Variants in RTL9 observed in about 807,000 individuals in gnomAD.
RTL9 encodes the protein retrotransposon Gag-like protein 9.
In RTL9, 19 loss-of-function variants were observed where a neutral mutation model predicts 44.7. The observed-to-expected ratio is 0.42, with a 90% CI of 0.30 to 0.62. The LOEUF is 0.62. Among genes scored for constraint, RTL9 ranks in the 20% least tolerant of loss-of-function variants. RTL9 has a pLI of 0.16. For synonymous variants in RTL9, 407 were observed against 398.9 expected (o/e 1.02, Z -0.24); for missense variants, 1,105 against 1,080.6 (o/e 1.02, Z -0.32).
intron 1 of RTL9, among the ~76,000 whole-genome samples, chrX:110,367,959 C>A (rs2068308679): frequency 3.0e-5 from 3 of 100,453 alleles, no homozygotes; most frequent in Non-Finnish European, 6.0e-5. Context: ...CAGGTACTCA[C>A]CACAGTGCTG....
At chrX:110,418,059 G>T (rs2068690363), upstream of RTL9, among the ~76,000 whole-genome samples, 1 of 112,484 alleles carries the variant, frequency 8.9e-6, no homozygotes, top group South Asian at 3.7e-4. Flanking sequence ...TGGTAGAGTT[G>T]GGAGAGAGGG....
intron 1 of RTL9, among the ~76,000 whole-genome samples, chrX:110,442,169 G>A (rs2068884436): frequency 9.2e-6 from 1 of 108,825 alleles, no homozygotes; most frequent in African/African-American, 3.4e-5. Context: ...ACAGGGAGCA[G>A]GTTGTTGAGC....
At chrX:110,393,413 C>T (rs1243759697) in intron 1 of RTL9, among the ~76,000 whole-genome samples, 1 of 111,980 alleles carries the variant, frequency 8.9e-6, no homozygotes, top group Admixed American at 9.4e-5. Flanking sequence ...AACAGCCCTA[C>T]AAGGCAGATA....
At chrX:110,452,298 T>C (rs375611029) in exon 1 of RTL9, 27 of 1,208,196 alleles carry the variant, frequency 2.2e-5, no homozygotes, top group East Asian at 3.0e-5. Context: ...GGCCTCAGGA[T>C]TGACATCTGC....
At chrX:110,401,985 C>T (rs920397477) in intron 1 of RTL9, among the ~76,000 whole-genome samples, 2 of 112,248 alleles carry the variant, frequency 1.8e-5, no homozygotes, top group Middle Eastern at 4.6e-3. Context: ...CTCTTCTCAC[C>T]AACAAGTCTC....
chrX:110,432,646 C>T (rs765521682), intron 1 of RTL9, among the ~76,000 whole-genome samples: 8 of 112,158 alleles, frequency 7.1e-5, no homozygotes, highest in Non-Finnish European at 1.5e-4. Flanking sequence ...CCCTGAGGAT[C>T]CCGAAAGACA....
chrX:110,420,346 G>A (rs1461475790), intron 1 of RTL9, among the ~76,000 whole-genome samples: 1 of 112,030 alleles, frequency 8.9e-6, no homozygotes, highest in Non-Finnish European at 1.9e-5. Flanking sequence ...AATGAGTGAG[G>A]GAGTAAGTGA....
intron 1 of RTL9, among the ~76,000 whole-genome samples, chrX:110,364,510 C>T (rs958526957): frequency 3.2e-4 from 36 of 111,489 alleles, no homozygotes; most frequent in African/African-American, 1.2e-3. Context: ...TATTTGGTTT[C>T]CTAAGTAGAT....
At chrX:110,402,156 C>T (rs1466235952) in intron 1 of RTL9, among the ~76,000 whole-genome samples, 1 of 112,779 alleles carries the variant, frequency 8.9e-6, no homozygotes, top group Non-Finnish European at 1.9e-5. Context: ...CAGAGTGAAA[C>T]AGAGTCCCTT....
chrX:110,426,758 G>C (rs971412670), intron 1 of RTL9: 18 of 111,702 alleles, frequency 1.6e-4, no homozygotes, highest in African/African-American at 5.2e-4. Context: ...TAAGTACTTT[G>C]AGGAGAATCC....
chrX:110,405,088 T>TTCCCCC (rs2068590131), intron 1 of RTL9, among the ~76,000 whole-genome samples: 1 of 74,087 alleles, frequency 1.3e-5, no homozygotes, highest in Non-Finnish European at 2.7e-5. Context: ...GCTTGTTGTG[T>TTCCCCC]CCCCCCCCCC....
intron 1 of RTL9, among the ~76,000 whole-genome samples, chrX:110,438,064 T>G (rs953567260): frequency 4.5e-5 from 5 of 111,778 alleles, no homozygotes; most frequent in Non-Finnish European, 9.4e-5. Flanking sequence ...CTTCCCTTTC[T>G]GCCAACAGAG....
At chrX:110,420,399 C>T (rs1029802953) in intron 1 of RTL9, among the ~76,000 whole-genome samples, 6 of 111,793 alleles carry the variant, frequency 5.4e-5, no homozygotes, top group Non-Finnish European at 1.1e-4. Flanking sequence ...CTTATGGGCT[C>T]ATGTGTATTT....
At chrX:110,454,014 C>A in exon 1 of RTL9, 1 of 1,212,079 alleles carries the variant, frequency 8.3e-7, no homozygotes, top group Non-Finnish European at 1.1e-6. Flanking sequence ...AACTGCGAAA[C>A]CACCACCAAA....
rs191284088 is a variant in RTL9, at chrX:110,441,069, G to T, written c.-167-4084G>T. Among the ~76,000 whole-genome samples, 16 of 112,002 alleles carry T rather than the reference G, an allele frequency of 1.4e-4. No homozygotes were observed. In the East Asian group the frequency reaches 3.6e-3, roughly 25 times the overall value. ...ATATGTCATTCTTGGACTGGCCCTGGGGTTTAAGAAGAAAAAGCCCAGAAT... is the reference window on the plus strand; with the variant it reads ...ATATGTCATTCTTGGACTGGCCCTGTGGTTTAAGAAGAAAAAGCCCAGAAT... On this transcript the variant is annotated intron_variant, in intron 1 of 3. Coordinates refer to the RTL9 transcript ENST00000465301.
intron 1 of RTL9, among the ~76,000 whole-genome samples, chrX:110,397,645 A>G: frequency 9.0e-6 from 1 of 110,869 alleles, no homozygotes; most frequent in Non-Finnish European, 1.9e-5. Context: ...GGAGGGAGAG[A>G]AATACCCTGG....
At chrX:110,410,434 T>C (rs746753593) in intron 1 of RTL9, among the ~76,000 whole-genome samples, 5 of 112,334 alleles carry the variant, frequency 4.5e-5, no homozygotes, top group Non-Finnish European at 9.4e-5. Flanking sequence ...TCTTTGACGA[T>C]GTCTATCCAT....
At chrX:110,365,137 C>A (rs946256880) in intron 1 of RTL9, among the ~76,000 whole-genome samples, 9 of 111,764 alleles carry the variant, frequency 8.1e-5, no homozygotes, top group African/African-American at 2.9e-4. Context: ...AGATTGTGGT[C>A]AGTTTGTGGG....
At chrX:110,390,779 A>G (rs1473313256) in intron 1 of RTL9, among the ~76,000 whole-genome samples, 2 of 112,179 alleles carry the variant, frequency 1.8e-5, no homozygotes, top group Non-Finnish European at 3.8e-5. Flanking sequence ...TTGTTTTTTC[A>G]TCTAGAATTT....
Sources: allele counts gnomAD v4.1 joint callset (sites outside exome capture counted in the v4.1 genomes callset), GRCh38; gene constraint gnomAD v4.1.1; transcripts MANE v1.5; gene names NCBI Gene and HGNC (gene_info 2026-07-23, HGNC 2026-07-21).